Variants in METTL23 observed in about 807,000 individuals in gnomAD.
METTL23 encodes the protein histone-arginine methyltransferase METTL23.
In METTL23, 24 loss-of-function variants were observed where a neutral mutation model predicts 21.2. The observed-to-expected ratio is 1.13, with a 90% CI of 0.82 to 1.59. METTL23 has a LOEUF of 1.59. Ranked by LOEUF, METTL23 falls within the 40% of genes most tolerant of loss-of-function variation. METTL23 has a pLI of 0.00. For synonymous variants in METTL23, 97 were observed against 75.2 expected, an observed-to-expected ratio of 1.29 and a Z score of -1.50; for missense variants, 276 against 221.4, an observed-to-expected ratio of 1.25 and a Z score of -1.57.
rs753555487 is a variant in METTL23 at position 76,733,625 on chromosome 17, C to T, written c.512C>T (p.Thr171Ile). 6.2e-7 allele frequency: 1 copy of T among 1,613,842 alleles called. No individual in the cohort carries two copies. Among genetic ancestry groups the T allele is most frequent in the Non-Finnish European group, 8.5e-7 (1 of 1,179,844 alleles). The change falls in exon 5 of 5, where the codon ACC (threonine) becomes ATC (isoleucine). Residue 171 changes from threonine to isoleucine, a missense_variant. Transcript: ENST00000341249. The part of the protein sequence containing the change: ...DADKEDIAES[T>I]LPGRHTVEML... ...GACAAAGAAGATATAGCAGAATCTA[C>T]CCTTCCAGGAAGACATACAGTTGAA... is the stretch of plus-strand genomic sequence containing the variant.
Position 76,727,094 on chromosome 17 carries a change from G to A in METTL23, c.-106G>A, listed in dbSNP as rs1209286324. ...TGGGCGAGCACGATTTCCGAGGACAGGGGGTCCGGGCCCAGCGCTTTCGAT... is the reference window on the plus strand; with the variant it reads ...TGGGCGAGCACGATTTCCGAGGACAAGGGGTCCGGGCCCAGCGCTTTCGAT... On this transcript the variant is annotated 5_prime_UTR_variant, in exon 1 of 5. Transcript: ENST00000341249. The A allele has an allele frequency of 2.2e-6, 1 of 454,554 alleles. No homozygotes were observed. The highest frequency in any genetic ancestry group is 2.0e-5 in the African/African-American group (1 of 49,990). 28.2% of individuals were successfully genotyped at this position (454,554 alleles called of 1,614,324 possible).
Position 76,733,736 on chromosome 17 carries a change from T to C in METTL23, c.*50T>C. 1.3e-6 allele frequency: 2 copies of C among 1,530,734 alleles called. No individual in the cohort carries two copies. Among genetic ancestry groups the C allele is most frequent in the South Asian group, 1.2e-5 (1 of 80,836 alleles). The allele number at this position is 1,530,734 out of a possible 1,614,324, so 94.8% of individuals were successfully genotyped here. Reference sequence around the variant, plus strand: ...ACAGTATCAATACTGATGAGCAACCTGGCACACAAACTATGAGCAGACCAC... The same window carrying C: ...ACAGTATCAATACTGATGAGCAACCCGGCACACAAACTATGAGCAGACCAC... On this transcript the variant is annotated 3_prime_UTR_variant, in exon 5 of 5. Coordinates refer to ENST00000341249, the MANE Select transcript of METTL23 (RefSeq NM_001080510.5).
chr17:76,732,667 T>C (rs2077266414), intron 2 of METTL23: 1 of 370,426 alleles, frequency 2.7e-6, no homozygotes. Context: ...AAACTGAAAA[T>C]CATGGCAGAG....
chr17:76,731,854 C>A (rs922918735), intron 2 of METTL23, among the ~76,000 whole-genome samples: 2 of 152,186 alleles, frequency 1.3e-5, no homozygotes, highest in Non-Finnish European at 2.9e-5. Flanking sequence ...CACAATAATT[C>A]TATCTCTGTG....
At chr17:76,731,064 A>G (rs1373674663) in intron 2 of METTL23, among the ~76,000 whole-genome samples, 25 of 151,460 alleles carry the variant, frequency 1.7e-4, no homozygotes, top group Admixed American at 1.4e-3. Context: ...CCGAGATCGC[A>G]CCACTGCACT....
At chr17:76,727,259 G>C (rs956589579) in intron 1 of METTL23, 81 bp downstream of exon 1, 2 of 348,162 alleles carry the variant, frequency 5.7e-6, no homozygotes, top group Non-Finnish European at 5.7e-6. Context: ...CTGAGGGACC[G>C]GGGGTGCGGA....
intron 2 of METTL23, among the ~76,000 whole-genome samples, chr17:76,731,420 C>T (rs1215026302): frequency 6.6e-6 from 1 of 152,152 alleles, no homozygotes; most frequent in African/African-American, 2.4e-5. Flanking sequence ...CCTTAAGAAG[C>T]AAAGCAACTC....
At chr17:76,732,716 A>G (rs1421722089) in intron 2 of METTL23, 4 of 514,068 alleles carry the variant, frequency 7.8e-6, no homozygotes, top group South Asian at 2.2e-5. Flanking sequence ...GTGCATAGCA[A>G]TTAACTGCCA....
rs547438637 is a variant in METTL23 at position 76,726,964 on chromosome 17, C to T, written c.-236C>T. 11 of 456,712 alleles carry T rather than the reference C, an allele frequency of 2.4e-5. No individual in the cohort carries two copies. Among genetic ancestry groups the T allele is most frequent in the Non-Finnish European group, 4.4e-5 (10 of 226,968 alleles). 28.3% of individuals were successfully genotyped at this position (456,712 alleles called of 1,614,324 possible). On this transcript the variant is annotated 5_prime_UTR_variant, in exon 1 of 5. Coordinates refer to ENST00000341249, the MANE Select transcript of METTL23 (RefSeq NM_001080510.5). The stretch of plus-strand genomic sequence containing the variant: ...CAGATCTGGGCTTTCCCCTTCTTGC[C>T]GTCAGGTGCTACGGCCACGTGGCCC...
rs2077110967 is a variant in METTL23 at position 76,729,631 on chromosome 17, G to T, written c.-21-59G>T. 11 of 1,200,564 alleles carry T rather than the reference G, an allele frequency of 9.2e-6. No homozygotes were observed. In the South Asian group the frequency reaches 1.1e-4, roughly 12 times the overall value. 74.4% of individuals were successfully genotyped at this position (1,200,564 alleles called of 1,614,324 possible). ...CAATGCCTGACAGAAATTGCTGTAT[G>T]AATGATTCCAACTTCCAGCAGCTAA... On this transcript the variant is annotated intron_variant, in intron 1 of 4. Coordinates refer to ENST00000341249, the MANE Select transcript of METTL23 (RefSeq NM_001080510.5).
At chr17:76,726,167 G>A (rs1242000691), upstream of METTL23, among the ~76,000 whole-genome samples, 2 of 152,248 alleles carry the variant, frequency 1.3e-5, no homozygotes, top group Admixed American at 6.5e-5. Context: ...GCCACAGCAC[G>A]GGAGGAAGCA....
At chr17:76,732,081 A>G (rs997370878) in intron 2 of METTL23, among the ~76,000 whole-genome samples, 7 of 152,180 alleles carry the variant, frequency 4.6e-5, no homozygotes, top group African/African-American at 1.7e-4. Flanking sequence ...AATTAGGCTG[A>G]GTGCTGTGGC....
intron 2 of METTL23, among the ~76,000 whole-genome samples, chr17:76,730,288 C>CA (rs545846283): frequency 0.035 from 4,580 of 130,568 alleles, 180 homozygotes; most frequent in African/African-American, 0.1. Context: ...GACTCCATCT[C>CA]AAAAAAAAAA....
At chr17:76,732,751 T>A (rs940547088) in intron 2 of METTL23, 6 of 574,150 alleles carry the variant, frequency 1.0e-5, no homozygotes, top group Non-Finnish European at 1.9e-5. Flanking sequence ...CCCTTTAATA[T>A]TGAAATTGAA....
intron 2 of METTL23, chr17:76,732,672 G>A (rs1337994479): frequency 1.3e-5 from 5 of 390,082 alleles, no homozygotes; most frequent in Non-Finnish European, 2.4e-5. Flanking sequence ...GAAAATCATG[G>A]CAGAGGAATC....
At chr17:76,731,834 G>A (rs931312358) in intron 2 of METTL23, among the ~76,000 whole-genome samples, 8 of 152,174 alleles carry the variant, frequency 5.3e-5, no homozygotes, top group African/African-American at 1.9e-4. Flanking sequence ...AGTTGTAATT[G>A]CTGGGCACTC....
At chr17:76,726,729 G>T (rs370217771), upstream of METTL23, 5 of 523,448 alleles carry the variant, frequency 9.6e-6, no homozygotes, top group African/African-American at 7.8e-5. Flanking sequence ...CTCCCCTGGG[G>T]TACTCCTTCA....
In METTL23 at chr17:76,732,994, G is replaced by A; in HGVS notation, c.101G>A (p.Ser34Asn). 1 of 1,578,362 alleles carries A rather than the reference G, an allele frequency of 6.3e-7. No individual in the cohort carries two copies. The highest frequency in any genetic ancestry group is 1.3e-5 in the African/African-American group (1 of 74,350). ...KAILEIGAGV[S>N]LPGILAAKCG... ...ACTTATTAGATTGGAGCTGGAGTGA[G>A]CCTTCCAGGAATTTTGGCTGCCAAA... The change falls in exon 3 of 5, where the codon AGC becomes AAC. Residue 34 changes from serine (S) to asparagine (N), a missense_variant. By Grantham distance (46) the Ser-to-Asn change is conservative (BLOSUM62 1). Coordinates refer to ENST00000341249, the MANE Select transcript of METTL23 (RefSeq NM_001080510.5).
At chr17:76,726,274 G>C, upstream of METTL23, 2 of 1,488,268 alleles carry the variant, frequency 1.3e-6, no homozygotes, top group South Asian at 1.3e-5. Context: ...GGGCAGCCTC[G>C]GGCCCAGAGA....
Sources: gnomAD v4.1 joint callset for allele counts (sites outside exome capture counted in the v4.1 genomes callset) on GRCh38, gnomAD v4.1.1 for gene constraint, MANE v1.5 for transcripts, NCBI Gene and HGNC (gene_info 2026-07-23, HGNC 2026-07-21) for gene names.